ADGRV1: variants seen among roughly 807,000 people sequenced by gnomAD.
ADGRV1 encodes adhesion G protein-coupled receptor V1.
In ADGRV1, 359 loss-of-function variants were observed where a neutral mutation model predicts 596.2. The ratio of observed to expected loss-of-function variants is 0.60; its 90% confidence interval spans 0.55 to 0.66. The LOEUF (loss-of-function observed/expected upper bound fraction) is 0.66. Among genes scored for constraint, ADGRV1 ranks in the 30% least tolerant of loss-of-function variants. ADGRV1 has a pLI of 0.00. For missense variants in ADGRV1, 7,274 were observed against 7,575.6 expected, an observed-to-expected ratio of 0.96 and a Z score of 1.48; for synonymous variants, 2,681 against 2,679.2, an observed-to-expected ratio of 1.00 and a Z score of -0.02.
chr5:90,957,409 T>C (rs953391193), intron 83 of ADGRV1, among the ~76,000 whole-genome samples: 1 of 151,724 alleles, frequency 6.6e-6, no homozygotes, highest in Non-Finnish European at 1.5e-5. Flanking sequence ...TGAAAAAGAC[T>C]AGTCTTGGTG....
chr5:90,625,318 A>T, intron 6 of ADGRV1, 75 bp downstream of exon 6: 1 of 882,936 alleles, frequency 1.1e-6, no homozygotes, highest in Non-Finnish European at 1.8e-6. Context: ...AACTTAGTGT[A>T]TTGTGGCCAG....
intron 1 of ADGRV1, among the ~76,000 whole-genome samples, chr5:90,593,123 A>C (rs1025582743): frequency 6.6e-6 from 1 of 152,214 alleles, no homozygotes; most frequent in African/African-American, 2.4e-5. Flanking sequence ...ATTATAAAAA[A>C]TCATGCTACT....
intron 1 of ADGRV1, among the ~76,000 whole-genome samples, chr5:90,572,553 C>T (rs1226051467): frequency 6.6e-6 from 1 of 152,096 alleles, no homozygotes; most frequent in Non-Finnish European, 1.5e-5. Context: ...TTATCTTTGA[C>T]AAGGCCAACA....
intron 85 of ADGRV1, among the ~76,000 whole-genome samples, chr5:91,028,908 T>C (rs1784256704): frequency 6.6e-6 from 1 of 152,020 alleles, no homozygotes; most frequent in Non-Finnish European, 1.5e-5. Flanking sequence ...GGCTAAGTTT[T>C]TTTTATTTTA....
At chr5:90,972,069 A>G (rs1162515351) in intron 84 of ADGRV1, among the ~76,000 whole-genome samples, 1 of 152,244 alleles carries the variant, frequency 6.6e-6, no homozygotes, top group Non-Finnish European at 1.5e-5. Flanking sequence ...CTGATAAAAC[A>G]GACTTTAGAC....
intron 85 of ADGRV1, among the ~76,000 whole-genome samples, chr5:90,996,591 C>T (rs138046873): frequency 1.6e-4 from 25 of 152,236 alleles, no homozygotes; most frequent in African/African-American, 4.8e-4. Flanking sequence ...GTTGGAGTCC[C>T]GACACAGAGT....
At chr5:90,816,382 TTTATTA>T (rs972956540) in intron 75 of ADGRV1, among the ~76,000 whole-genome samples, 2 of 144,586 alleles carry the variant, frequency 1.4e-5, no homozygotes, top group African/African-American at 5.7e-5. Context: ...TTTTTTAAAT[TTTATTA>T]TTATTATAAT....
At chr5:90,795,499 A>G (rs750237840) in intron 70 of ADGRV1, among the ~76,000 whole-genome samples, 55 of 152,218 alleles carry the variant, frequency 3.6e-4, no homozygotes, top group South Asian at 1.4e-3. Flanking sequence ...AGCCCCAGTC[A>G]GGGACTTATA....
At chr5:91,049,727 A>G (rs776781227) in intron 85 of ADGRV1, among the ~76,000 whole-genome samples, 1 of 152,242 alleles carries the variant, frequency 6.6e-6, no homozygotes, top group Non-Finnish European at 1.5e-5. Context: ...TAAAGCTCAC[A>G]TAACCAGTGT....
chr5:90,776,457 T>C lies in ADGRV1; in HGVS notation c.12408T>C (p.Ser4136=). ...DEVEISPVKG[S]ASIIIRGDKR... is the part of the protein sequence containing the mutation. The stretch of plus-strand genomic sequence containing the variant: ...TCTATATCATCTTGAATTTAGGTAG[T>C]GCATCAATAATTATTCGGGGTGATA... The change falls in exon 61 of 90, where the codon AGT becomes AGC. Residue 4136 remains serine, a synonymous_variant. Transcript: ENST00000405460. 6.2e-7 allele frequency: 1 copy of C among 1,610,882 alleles called. No homozygotes were observed. The highest frequency in any genetic ancestry group is 1.1e-5 in the South Asian group (1 of 90,712).
chr5:90,634,750 T>A lies in ADGRV1; in HGVS notation c.1840-364T>A, dbSNP rs556750248. ...GGCATGGAACAGGGACAGTGATTTC[T>A]GTTTTGGATATTGTATATGTAAGGT... On this transcript the variant is annotated intron_variant, in intron 9 of 89. Coordinates refer to ENST00000405460, the MANE Select transcript of ADGRV1 (RefSeq NM_032119.4). Among the ~76,000 whole-genome samples, 11 of 152,330 alleles carry A rather than the reference T, an allele frequency of 7.2e-5. No individual in the cohort carries two copies. In the South Asian group the frequency reaches 2.1e-3, roughly 29 times the overall value.
At chr5:90,891,899 T>C (rs1343960785) in intron 83 of ADGRV1, among the ~76,000 whole-genome samples, 2 of 152,014 alleles carry the variant, frequency 1.3e-5, no homozygotes, top group African/African-American at 4.8e-5. Flanking sequence ...ACTTTGGTTC[T>C]AACATGGACA....
chr5:90,891,514 G>A (rs999864540), intron 83 of ADGRV1, among the ~76,000 whole-genome samples: 1 of 151,662 alleles, frequency 6.6e-6, no homozygotes, highest in African/African-American at 2.4e-5. Context: ...TATCTAACAT[G>A]AAAAATATAT....
chr5:90,729,770 G>A lies in ADGRV1; in HGVS notation c.10549+6G>A. On this transcript the variant is annotated splice_donor_region_variant and intron_variant, in intron 50 of 89. Coordinates refer to ENST00000405460, the MANE Select transcript of ADGRV1 (RefSeq NM_032119.4). ...CACACCAGCCTCAGGAATAGGTAAG[G>A]ACTTTTCAACTGCTCACCAATTCTA... The A allele has an allele frequency of 6.2e-7, 1 of 1,613,026 alleles. No homozygotes were observed. The highest frequency in any genetic ancestry group is 1.3e-5 in the African/African-American group (1 of 75,002).
chr5:90,883,755 A>G (rs185345185), intron 83 of ADGRV1, among the ~76,000 whole-genome samples: 540 of 152,250 alleles, frequency 3.5e-3, no homozygotes, highest in African/African-American at 0.011. Context: ...GTCCATGTGC[A>G]TATCATCCTT....
intron 83 of ADGRV1, among the ~76,000 whole-genome samples, chr5:90,901,434 C>T (rs1219734083): frequency 1.3e-5 from 2 of 152,068 alleles, no homozygotes; most frequent in African/African-American, 4.8e-5. Context: ...GTATCATATC[C>T]ACAGTCCCAA....
intron 83 of ADGRV1, among the ~76,000 whole-genome samples, chr5:90,961,272 G>A (rs141171644): frequency 1.3e-5 from 2 of 152,008 alleles, no homozygotes; most frequent in South Asian, 2.1e-4. Flanking sequence ...AGGCCGAAGC[G>A]GGCGGATCAT....
At chr5:91,028,733 T>G (rs13170253) in intron 85 of ADGRV1, among the ~76,000 whole-genome samples, 2 of 25,476 alleles carry the variant, frequency 7.9e-5, no homozygotes, top group Non-Finnish European at 1.9e-4. Context: ...CTAGACTCTG[T>G]TTTTTTTTTT....
In ADGRV1 at chr5:90,721,561, TA is replaced by T. The variant is rs150716034; in HGVS notation, c.9748+506del. 7.0e-3 allele frequency among the ~76,000 whole-genome samples: 23 copies of T among 3,266 alleles called. 3 individuals carry two copies. Among genetic ancestry groups the T allele is most frequent in the African/African-American group, 0.026 (22 of 858 alleles). 2.1% of individuals were successfully genotyped at this position (3,266 alleles called of 152,430 possible). On this transcript the variant is annotated intron_variant, in intron 45 of 89. Coordinates refer to ENST00000405460, the MANE Select transcript of ADGRV1 (RefSeq NM_032119.4). ...TAAAATAAAATAAAATAAAATAAAA[TA>T]AAATAAAATAAAATAAAATAAAATA...
Sources: allele counts gnomAD v4.1 joint callset (sites outside exome capture counted in the v4.1 genomes callset), GRCh38; gene constraint gnomAD v4.1.1; transcripts MANE v1.5; gene names NCBI Gene and HGNC (gene_info 2026-07-23, HGNC 2026-07-21).